DPRX: variants seen among roughly 807,000 people sequenced by gnomAD.
The protein encoded by DPRX is divergent paired-related homeobox.
DPRX carries 11 observed loss-of-function variants against 8.4 expected under a neutral mutation model. The observed-to-expected ratio is 1.31, with a 90% CI of 0.82 to 2.17. The LOEUF (loss-of-function observed/expected upper bound fraction) is 2.17. DPRX is among the 30% of genes most tolerant of loss of function. DPRX has a pLI of 0.00. For synonymous variants in DPRX, 72 were observed against 87.0 expected (o/e 0.83, Z 0.96); for missense variants, 211 against 236.7 (o/e 0.89, Z 0.71).
chr19:53,614,667 T>C, the DPRX span, among the ~76,000 whole-genome samples: 1 of 152,312 alleles, frequency 6.6e-6, no homozygotes, highest in South Asian at 2.1e-4. Context: ...ATTTTCTTCA[T>C]TGTAAAAATT....
intron 2 of DPRX, among the ~76,000 whole-genome samples, chr19:53,635,972 C>T (rs1465636798): frequency 1.3e-5 from 2 of 152,098 alleles, no homozygotes; most frequent in African/African-American, 4.8e-5. Context: ...CATTTCTGCT[C>T]CTTCCTGGGA....
chr19:53,606,092 T>C, the DPRX span: 1 of 152,088 alleles, frequency 6.6e-6, no homozygotes, highest in African/African-American at 2.4e-5. The surrounding 1 kb of genome is among the most constrained non-coding windows in gnomAD (Gnocchi z 4.8). Flanking sequence ...AACTAACTCA[T>C]AGAAAATGGA....
chr19:53,601,482 T>TC, the DPRX span: 2 of 339,966 alleles, frequency 5.9e-6, no homozygotes, highest in South Asian at 4.4e-5. Context: ...CAATGCCTAT[T>TC]CTTTTTTTTT....
At chr19:53,618,712 T>G in the DPRX span, among the ~76,000 whole-genome samples, 1 of 147,406 alleles carries the variant, frequency 6.8e-6, no homozygotes, top group African/African-American at 2.5e-5. Context: ...GGACGGAGAC[T>G]TGCTCTGTCA....
At chr19:53,608,310 C>A in the DPRX span, 1 of 111,862 alleles carries the variant, frequency 8.9e-6, no homozygotes, top group South Asian at 3.0e-4. Flanking sequence ...CATTTGTAGT[C>A]GGCGTCTGTG....
the DPRX span, among the ~76,000 whole-genome samples, chr19:53,615,180 C>A: frequency 6.6e-6 from 1 of 152,030 alleles, no homozygotes; most frequent in African/African-American, 2.4e-5. Flanking sequence ...CCATATTGAC[C>A]AGGCTGGTCT....
the DPRX span, among the ~76,000 whole-genome samples, chr19:53,622,393 T>C: frequency 6.6e-6 from 1 of 152,060 alleles, no homozygotes; most frequent in Non-Finnish European, 1.5e-5. Context: ...TCCCAGCATT[T>C]TGGGAGACTG....
chr19:53,611,089 A>T, the DPRX span, among the ~76,000 whole-genome samples: 2 of 151,954 alleles, frequency 1.3e-5, no homozygotes, highest in Non-Finnish European at 1.5e-5. Context: ...TTTAGTAGAG[A>T]CAAGGTTTCA....
At chr19:53,626,588 G>A in the DPRX span, among the ~76,000 whole-genome samples, 1 of 152,150 alleles carries the variant, frequency 6.6e-6, no homozygotes, top group Non-Finnish European at 1.5e-5. Flanking sequence ...TGTGCCCCAG[G>A]CACAGATCAT....
the DPRX span, among the ~76,000 whole-genome samples, chr19:53,618,123 A>G: frequency 6.9e-6 from 1 of 144,196 alleles, no homozygotes; most frequent in Non-Finnish European, 1.5e-5. Flanking sequence ...AGCCTGGGCG[A>G]CAGAGCGAGA....
the DPRX span, among the ~76,000 whole-genome samples, chr19:53,625,627 C>T: frequency 2.0e-5 from 3 of 151,858 alleles, no homozygotes; most frequent in South Asian, 6.3e-4. Flanking sequence ...CATGCCTCTG[C>T]CTCTTCTCAT....
the DPRX span, among the ~76,000 whole-genome samples, chr19:53,602,984 T>C: frequency 2.0e-5 from 3 of 150,732 alleles, no homozygotes; most frequent in African/African-American, 7.3e-5. Flanking sequence ...TATATATATA[T>C]ATTTGTGTGT....
chr19:53,615,196 T>C, the DPRX span, among the ~76,000 whole-genome samples: 1 of 152,060 alleles, frequency 6.6e-6, no homozygotes, highest in Admixed American at 6.6e-5. Context: ...GGTCTCGAAC[T>C]CCTGGCCTTA....
At chr19:53,608,325 GC>G in the DPRX span, 108,002 of 152,278 alleles carry the variant, frequency 0.71, 38,807 homozygotes, top group East Asian at 0.82. Flanking sequence ...TCTGTGAGCT[GC>G]CAGTTGTGCA....
the DPRX span, among the ~76,000 whole-genome samples, chr19:53,626,581 G>T: frequency 1.3e-5 from 2 of 152,140 alleles, no homozygotes; most frequent in African/African-American, 2.4e-5. Flanking sequence ...TAGAGATTGT[G>T]CCCCAGGCAC....
chr19:53,608,296 G>A, the DPRX span: 1 of 145,582 alleles, frequency 6.9e-6, no homozygotes, highest in African/African-American at 2.6e-5. Context: ...ACCCCAGCTC[G>A]GCCCATTTGT....
upstream of DPRX, among the ~76,000 whole-genome samples, chr19:53,628,817 G>A (rs2091080468): frequency 6.6e-6 from 1 of 151,306 alleles, no homozygotes; most frequent in African/African-American, 2.4e-5. Context: ...TCAAATTCCT[G>A]ACCTCAGGTG....
chr19:53,610,966 C>T, the DPRX span, among the ~76,000 whole-genome samples: 1 of 151,986 alleles, frequency 6.6e-6, no homozygotes, highest in Non-Finnish European at 1.5e-5. Flanking sequence ...GCAGTGGGAC[C>T]ATCTCGGCTC....
At chr19:53,618,045 G>A in the DPRX span, among the ~76,000 whole-genome samples, 1 of 151,806 alleles carries the variant, frequency 6.6e-6, no homozygotes, top group Non-Finnish European at 1.5e-5. Flanking sequence ...GGAAGGCTGA[G>A]GCAGGAGAAT....
Sources: gnomAD v4.1 joint callset for allele counts (sites outside exome capture counted in the v4.1 genomes callset) on GRCh38, gnomAD v4.1.1 for gene constraint, Gnocchi (gnomAD v3.1) non-coding constraint, MANE v1.5 for transcripts, NCBI Gene and HGNC (gene_info 2026-07-23, HGNC 2026-07-21) for gene names.